Variants in ELK3 observed in about 807,000 individuals in gnomAD.
ELK3 encodes ETS transcription factor ELK3.
In ELK3, 10 loss-of-function variants were observed where a neutral mutation model predicts 28.9. That is an observed-to-expected ratio of 0.35 (90% CI 0.21 to 0.59). The LOEUF is 0.59. ELK3 is among the 20% of genes least tolerant of loss of function. The probability of loss-of-function intolerance (pLI) is 0.82; values close to 1 mark genes in which losing one functional copy is unlikely to be tolerated. For synonymous variants in ELK3, 272 were observed against 243.5 expected (o/e 1.12, Z -1.09); for missense variants, 463 against 517.3 (o/e 0.90, Z 1.02).
At chr12:96,265,725 C>G (rs1281061428) in intron 4 of ELK3, among the ~76,000 whole-genome samples, 1 of 152,128 alleles carries the variant, frequency 6.6e-6, no homozygotes, top group Non-Finnish European at 1.5e-5. Flanking sequence ...TGTTCATCTT[C>G]CCATGTTCAC....
At chr12:96,232,151 G>A (rs1168529036) in intron 2 of ELK3, among the ~76,000 whole-genome samples, 1 of 152,230 alleles carries the variant, frequency 6.6e-6, no homozygotes, top group African/African-American at 2.4e-5. Flanking sequence ...GTGTGGATGA[G>A]TTTGACCTTT....
At chr12:96,246,199 T>C (rs1951854223) in intron 2 of ELK3, among the ~76,000 whole-genome samples, 2 of 152,212 alleles carry the variant, frequency 1.3e-5, no homozygotes, top group Admixed American at 1.3e-4. Flanking sequence ...GTTCAGGACA[T>C]GCTGCCTCTA....
At chr12:96,229,519 TTTCC>T (rs1951726230) in intron 2 of ELK3, among the ~76,000 whole-genome samples, 1 of 140,874 alleles carries the variant, frequency 7.1e-6, no homozygotes, top group Non-Finnish European at 1.5e-5. Context: ...GTGTCCAGAT[TTTCC>T]TTTTTTTTTT....
chr12:96,239,457 C>G lies in ELK3; in HGVS notation c.208-7483C>G, dbSNP rs540354354. On this transcript the variant is annotated intron_variant, in intron 2 of 4. Transcript: ENST00000228741. ...CAGGTGGTGGACAGTTGGATATAAC[C>G]TCACTGTCCAGGGGGACCTTGGCTT... 6.6e-5 allele frequency among the ~76,000 whole-genome samples: 10 copies of G among 152,266 alleles called. No individual in the cohort carries two copies. The East Asian group carries it at 1.9e-3, about 29-fold the overall frequency.
At chr12:96,224,062 TTCC>T in intron 2 of ELK3, 1 of 372,180 alleles carries the variant, frequency 2.7e-6, no homozygotes, top group Admixed American at 3.9e-5. Context: ...CTCTGGGGCT[TTCC>T]TCATGTTGAA....
intron 1 of ELK3, among the ~76,000 whole-genome samples, chr12:96,208,292 TC>T (rs1459387826): frequency 1.3e-5 from 2 of 152,224 alleles, no homozygotes; most frequent in African/African-American, 4.8e-5. Flanking sequence ...CCTCAGGTGA[TC>T]CACCCACCCC....
chr12:96,218,805 C>T (rs1434221735), intron 1 of ELK3, among the ~76,000 whole-genome samples: 6 of 151,934 alleles, frequency 3.9e-5, no homozygotes, highest in Admixed American at 2.0e-4. Context: ...CCCGCCACCA[C>T]GCCTGGCTAA....
At chr12:96,266,543 T>G (rs921282246) in intron 4 of ELK3, among the ~76,000 whole-genome samples, 1 of 152,136 alleles carries the variant, frequency 6.6e-6, no homozygotes, top group Non-Finnish European at 1.5e-5. Context: ...TTAGAATACT[T>G]TCTTAGCTCC....
chr12:96,218,621 G>T (rs75608096), intron 1 of ELK3, among the ~76,000 whole-genome samples: 1 of 151,496 alleles, frequency 6.6e-6, no homozygotes. Flanking sequence ...TTAAAAAAGT[G>T]GGGGTCTAGG....
rs150155319 is a variant in ELK3, at chr12:96,250,370, C to A, written c.1002+2636C>A. Reference sequence around the variant, plus strand: ...TTATTCAGAGTTGAGTTCTTGCAGCCGGTTTCACCCAGGCGGATTCCCTGA... The same window carrying A: ...TTATTCAGAGTTGAGTTCTTGCAGCAGGTTTCACCCAGGCGGATTCCCTGA... On this transcript the variant is annotated intron_variant, in intron 3 of 4. Transcript: ENST00000228741. Among the ~76,000 whole-genome samples the A allele has an allele frequency of 8.0e-3, 1,222 of 152,242 alleles. 59 individuals carry two copies. Among genetic ancestry groups the A allele is most frequent in the Admixed American group, 0.071 (1,088 of 15,292 alleles).
intron 1 of ELK3, among the ~76,000 whole-genome samples, chr12:96,203,704 G>A (rs1418061086): frequency 6.6e-6 from 1 of 152,180 alleles, no homozygotes; most frequent in Non-Finnish European, 1.5e-5. Context: ...ACTTTGAGAG[G>A]CCGAGGCGGG....
rs182896884 is a variant in ELK3 at position 96,258,405 on chromosome 12, T to C, written c.1003-1326T>C. ...TTCACAGTTTGAGGAACTTTGGATG[T>C]TTGTCTCCATTCTGCTGAACAGAGC... On this transcript the variant is annotated intron_variant, in intron 3 of 4. Coordinates refer to ENST00000228741, the MANE Select transcript of ELK3 (RefSeq NM_005230.4). Among the ~76,000 whole-genome samples the C allele has an allele frequency of 2.0e-5, 3 of 152,374 alleles. No individual in the cohort carries two copies. In the East Asian group the frequency reaches 5.8e-4, roughly 29 times the overall value.
rs555327755 is a variant in ELK3, at chr12:96,264,002, G to A, written c.1126-3080G>A. On this transcript the variant is annotated intron_variant, in intron 4 of 4. Coordinates refer to ENST00000228741, the MANE Select transcript of ELK3 (RefSeq NM_005230.4). ...AATTTTTATTTTTATTTTTTGAGATGAGCTCGCTGTGCTGCCCAGGCTGGA... is the reference window on the plus strand; with the variant it reads ...AATTTTTATTTTTATTTTTTGAGATAAGCTCGCTGTGCTGCCCAGGCTGGA... Among the ~76,000 whole-genome samples the A allele has an allele frequency of 2.0e-5, 3 of 152,146 alleles. No homozygotes were observed. In the East Asian group the frequency reaches 5.8e-4, roughly 29 times the overall value.
At chr12:96,242,538 G>GAGAT (rs1565787562) in intron 2 of ELK3, among the ~76,000 whole-genome samples, 1 of 152,206 alleles carries the variant, frequency 6.6e-6, no homozygotes, top group Non-Finnish European at 1.5e-5. Flanking sequence ...AAGCCACAGA[G>GAGAT]AGATCTTCAA....
At chr12:96,213,191 C>T (rs898010631) in intron 1 of ELK3, among the ~76,000 whole-genome samples, 1 of 152,148 alleles carries the variant, frequency 6.6e-6, no homozygotes, top group African/African-American at 2.4e-5. Flanking sequence ...ATGCTTTTTC[C>T]ACACACCATC....
chr12:96,202,523 CTTTTT>C (rs67138285), intron 1 of ELK3, among the ~76,000 whole-genome samples: 1 of 108,624 alleles, frequency 9.2e-6, no homozygotes, highest in Non-Finnish European at 1.7e-5. Context: ...TTACCACAAG[CTTTTT>C]TTTTTTTTTT....
At chr12:96,218,943 C>T (rs961438713) in intron 1 of ELK3, among the ~76,000 whole-genome samples, 4 of 152,062 alleles carry the variant, frequency 2.6e-5, no homozygotes, top group Admixed American at 6.5e-5. Flanking sequence ...CCACCGCGCC[C>T]GGCCAAGATA....
chr12:96,252,614 A>G (rs1241525689), intron 3 of ELK3, among the ~76,000 whole-genome samples: 6 of 150,564 alleles, frequency 4.0e-5, no homozygotes, highest in Non-Finnish European at 5.9e-5. Flanking sequence ...GGAGGAGGGA[A>G]CTGCAGATGT....
At chr12:96,250,250 C>T (rs1285042323) in intron 3 of ELK3, among the ~76,000 whole-genome samples, 1 of 152,218 alleles carries the variant, frequency 6.6e-6, no homozygotes, top group Non-Finnish European at 1.5e-5. Flanking sequence ...GTGGGCTCTG[C>T]TCCTGGCATG....
Sources: allele counts gnomAD v4.1 joint callset (sites outside exome capture counted in the v4.1 genomes callset), GRCh38; gene constraint gnomAD v4.1.1; transcripts MANE v1.5; gene names NCBI Gene and HGNC (gene_info 2026-07-23, HGNC 2026-07-21).